IMMP2L: variants seen among roughly 807,000 people sequenced by gnomAD.
IMMP2L encodes the protein mitochondrial inner membrane protease subunit 2.
Under a neutral mutation model 19.3 loss-of-function variants are expected in IMMP2L, and 18 were observed. The observed-to-expected ratio is 0.93, with a 90% confidence interval of 0.64 to 1.38. IMMP2L has a LOEUF of 1.38. Among genes scored for constraint, IMMP2L ranks in the 40% most tolerant of loss-of-function variants. The pLI is 0.00. For missense variants in IMMP2L, 233 were observed against 218.2 expected (o/e 1.07, Z -0.43); for synonymous variants, 76 against 73.0 (o/e 1.04, Z -0.21).
chr7:110,858,553 C>T (rs1807043669), intron 5 of IMMP2L, among the ~76,000 whole-genome samples: 1 of 151,996 alleles, frequency 6.6e-6, no homozygotes, highest in Non-Finnish European at 1.5e-5. Flanking sequence ...GCATTAGCTG[C>T]AGTAGGTCTG....
chr7:110,664,850 TA>T (rs1396917620), intron 5 of IMMP2L: 2 of 152,218 alleles, frequency 1.3e-5, no homozygotes, highest in African/African-American at 4.8e-5. Flanking sequence ...GTTTTTCCTA[TA>T]AACTGGACTT....
rs1798140796 is a variant in IMMP2L at position 110,758,163 on chromosome 7, G to A, written c.409-94442C>T. 6.6e-6 allele frequency among the ~76,000 whole-genome samples: 1 copy of A among 151,974 alleles called. No homozygotes were observed. The highest frequency in any genetic ancestry group is 2.4e-5 in the African/African-American group (1 of 41,396). ...GTCAAATAAGATGAGGATGAAGAAT[G>A]GATAAGTGAAGTTAGCCTCTTGGAG... On this transcript the variant is annotated intron_variant, in intron 5 of 5. Coordinates refer to ENST00000405709, the MANE Select transcript of IMMP2L (RefSeq NM_032549.4). This position sits in a 1 kb window ranked among gnomAD's most constrained non-coding sequence, Gnocchi z 4.6.
chr7:111,453,400 C>A (rs776429998), intron 3 of IMMP2L, among the ~76,000 whole-genome samples: 4 of 152,094 alleles, frequency 2.6e-5, no homozygotes, highest in Admixed American at 6.6e-5. Flanking sequence ...CTGATCAGCA[C>A]GGCCCTTCAA....
At chr7:111,560,538 A>G (rs1161439270) in intron 1 of IMMP2L, among the ~76,000 whole-genome samples, 1 of 152,224 alleles carries the variant, frequency 6.6e-6, no homozygotes, top group Non-Finnish European at 1.5e-5. Context: ...TTGTAAGTTT[A>G]TTACTGAAAG....
intron 3 of IMMP2L, among the ~76,000 whole-genome samples, chr7:111,325,723 CT>C (rs915860797): frequency 6.6e-6 from 1 of 151,508 alleles, no homozygotes; most frequent in Non-Finnish European, 1.5e-5. Flanking sequence ...ATCTAAATAC[CT>C]TTCAAAAATA....
chr7:111,242,441 A>G (rs998266267), intron 3 of IMMP2L, among the ~76,000 whole-genome samples: 2 of 152,160 alleles, frequency 1.3e-5, no homozygotes, highest in African/African-American at 2.4e-5. Context: ...AGCACAAAAG[A>G]GAACTACATC....
At chr7:111,183,855 A>C (rs923719311) in intron 3 of IMMP2L, among the ~76,000 whole-genome samples, 15 of 152,108 alleles carry the variant, frequency 9.9e-5, no homozygotes, top group Non-Finnish European at 1.9e-4. Flanking sequence ...AAGAAAGAAC[A>C]TACACTCTGG....
chr7:111,142,307 C>T (rs1802986474), intron 3 of IMMP2L, among the ~76,000 whole-genome samples: 1 of 134,150 alleles, frequency 7.5e-6, no homozygotes, highest in African/African-American at 3.2e-5. Context: ...GCCTGGGCAA[C>T]AGGGTGAGAC....
At chr7:110,992,337 T>G (rs779412807) in intron 3 of IMMP2L, among the ~76,000 whole-genome samples, 1 of 152,038 alleles carries the variant, frequency 6.6e-6, no homozygotes, top group Non-Finnish European at 1.5e-5. Context: ...TATTTAACAT[T>G]AAATAACATG....
At chr7:111,224,745 T>C (rs909586268) in intron 3 of IMMP2L, among the ~76,000 whole-genome samples, 8 of 152,096 alleles carry the variant, frequency 5.3e-5, no homozygotes, top group African/African-American at 1.9e-4. Context: ...ATGTTAATAT[T>C]TTCACAGATG....
chr7:110,996,971 T>G (rs1482078190), intron 3 of IMMP2L, among the ~76,000 whole-genome samples: 3 of 152,108 alleles, frequency 2.0e-5, no homozygotes, highest in Admixed American at 2.0e-4. Context: ...GTACCACCAA[T>G]GTGCAATTTT....
intron 3 of IMMP2L, among the ~76,000 whole-genome samples, chr7:111,266,544 CAAAAAA>C (rs530670317): frequency 1.1e-5 from 1 of 88,772 alleles, no homozygotes. Flanking sequence ...CTATGTCTCC[CAAAAAA>C]AAAAAAAAAA....
intron 3 of IMMP2L, among the ~76,000 whole-genome samples, chr7:111,271,376 C>T (rs532338920): frequency 1.1e-4 from 17 of 152,206 alleles, no homozygotes; most frequent in African/African-American, 4.1e-4. Context: ...TGGACAAAAG[C>T]TGAATAACAT....
intron 3 of IMMP2L, among the ~76,000 whole-genome samples, chr7:111,473,478 T>C (rs749415708): frequency 6.6e-6 from 1 of 152,176 alleles, no homozygotes; most frequent in Non-Finnish European, 1.5e-5. Flanking sequence ...ATGTCCCTTT[T>C]TGGCTTACTA....
At chr7:110,891,235 C>T (rs1158169594) in intron 4 of IMMP2L, among the ~76,000 whole-genome samples, 1 of 143,736 alleles carries the variant, frequency 7.0e-6, no homozygotes, top group African/African-American at 2.6e-5. Context: ...ACAGATAGAA[C>T]CAGAAAAAAA....
chr7:111,500,881 A>C (rs964294299), intron 2 of IMMP2L, among the ~76,000 whole-genome samples: 1 of 152,178 alleles, frequency 6.6e-6, no homozygotes, highest in Admixed American at 6.5e-5. Flanking sequence ...GGAAAAACAG[A>C]GCAGAAAAAC....
intron 4 of IMMP2L, among the ~76,000 whole-genome samples, chr7:110,892,222 T>A (rs1308551697): frequency 1.3e-5 from 2 of 152,170 alleles, no homozygotes; most frequent in African/African-American, 4.8e-5. Context: ...TGAGTTTTCA[T>A]TAACTGAACT....
intron 5 of IMMP2L, among the ~76,000 whole-genome samples, chr7:110,776,971 G>A (rs1015644610): frequency 1.3e-5 from 2 of 152,002 alleles, no homozygotes; most frequent in Non-Finnish European, 2.9e-5. Flanking sequence ...TAGGGACCAT[G>A]TAAACTTCAT....
intron 3 of IMMP2L, among the ~76,000 whole-genome samples, chr7:111,072,406 T>C (rs1410314988): frequency 6.6e-6 from 1 of 152,226 alleles, no homozygotes; most frequent in Non-Finnish European, 1.5e-5. Flanking sequence ...TCACCGAATC[T>C]GGGGCAAACT....
Sources: gnomAD v4.1 joint callset for allele counts (sites outside exome capture counted in the v4.1 genomes callset) on GRCh38, gnomAD v4.1.1 for gene constraint, Gnocchi (gnomAD v3.1) non-coding constraint, MANE v1.5 for transcripts, NCBI Gene and HGNC (gene_info 2026-07-23, HGNC 2026-07-21) for gene names.